Variants in FGF12 observed in about 807,000 individuals in gnomAD.
The protein encoded by FGF12 is fibroblast growth factor 12.
Under a neutral mutation model 23.6 loss-of-function variants are expected in FGF12, and 14 were observed. The observed-to-expected ratio is 0.59, with a 90% CI of 0.39 to 0.93. The LOEUF is 0.93. FGF12 is among the 40% of genes least tolerant of loss of function. FGF12 has a pLI of 0.00. For missense variants in FGF12, 175 were observed against 217.8 expected (o/e 0.80, Z 1.24); for synonymous variants, 62 against 77.3 (o/e 0.80, Z 1.04).
intron 2 of FGF12, among the ~76,000 whole-genome samples, chr3:192,421,916 A>G (rs73064273): frequency 0.096 from 14,638 of 152,082 alleles, 2,183 homozygotes; most frequent in African/African-American, 0.32. Flanking sequence ...CTATCTCTGA[A>G]TAAGTGGTGG....
At chr3:192,697,885 G>T (rs1256204132) in intron 2 of FGF12, among the ~76,000 whole-genome samples, 1 of 152,114 alleles carries the variant, frequency 6.6e-6, no homozygotes, top group Admixed American at 6.6e-5. Flanking sequence ...TAATTCAAGT[G>T]CTTGTGCAAA....
chr3:192,595,120 G>C (rs546990192), intron 2 of FGF12, among the ~76,000 whole-genome samples: 40 of 152,244 alleles, frequency 2.6e-4, no homozygotes, highest in Admixed American at 9.2e-4. Context: ...TTTTCTCTCA[G>C]TATTCTTATT....
intron 5 of FGF12, among the ~76,000 whole-genome samples, chr3:192,156,644 A>C (rs1368615223): frequency 6.6e-6 from 1 of 152,124 alleles, no homozygotes; most frequent in Admixed American, 6.6e-5. Flanking sequence ...GTTGTCCTTG[A>C]TCAAGCCGCT....
intron 2 of FGF12, among the ~76,000 whole-genome samples, chr3:192,567,314 G>C (rs944149787): frequency 1.3e-5 from 2 of 152,022 alleles, no homozygotes; most frequent in Non-Finnish European, 2.9e-5. Context: ...ATTTTTTAAG[G>C]GGTTGGGGCT....
At chr3:192,491,826 C>T (rs182846983) in intron 2 of FGF12, among the ~76,000 whole-genome samples, 2 of 152,140 alleles carry the variant, frequency 1.3e-5, no homozygotes, top group East Asian at 3.9e-4. Context: ...AGCTGGAGGA[C>T]AGGTAATTAT....
chr3:192,191,782 G>A (rs1716805725), intron 4 of FGF12, among the ~76,000 whole-genome samples: 1 of 151,280 alleles, frequency 6.6e-6, no homozygotes, highest in African/African-American at 2.4e-5. Flanking sequence ...CTTGCAGTGA[G>A]CAGAGATCAC....
intron 2 of FGF12, among the ~76,000 whole-genome samples, chr3:192,623,221 A>T (rs1715039789): frequency 6.6e-6 from 1 of 152,248 alleles, no homozygotes; most frequent in Non-Finnish European, 1.5e-5. Flanking sequence ...AAGTGAAGTC[A>T]GTACCAAATG....
chr3:192,719,375 A>G (rs1346126176), intron 2 of FGF12, among the ~76,000 whole-genome samples: 4 of 152,110 alleles, frequency 2.6e-5, no homozygotes, highest in African/African-American at 9.7e-5. Flanking sequence ...CTTCATGTTT[A>G]CGTTATTGTT....
intron 3 of FGF12, among the ~76,000 whole-genome samples, chr3:192,348,708 T>C (rs1400336480): frequency 1.3e-5 from 2 of 152,146 alleles, no homozygotes; most frequent in Non-Finnish European, 2.9e-5. Context: ...CAGTGTAAAC[T>C]GGGTGAAGGT....
intron 2 of FGF12, among the ~76,000 whole-genome samples, chr3:192,433,756 A>C (rs906125582): frequency 2.6e-5 from 4 of 152,226 alleles, no homozygotes; most frequent in African/African-American, 7.2e-5. Context: ...CAAATATTTC[A>C]CATATGAGCT....
rs1161991788 is a variant in FGF12, at chr3:192,142,720, C to G, written c.*1289G>C. 1 of 152,014 alleles carries G rather than the reference C, an allele frequency of 6.6e-6. No individual in the cohort carries two copies. The highest frequency in any genetic ancestry group is 1.9e-4 in the East Asian group (1 of 5,176). The allele number at this position is 152,014 out of a possible 1,614,324, so 9.4% of individuals were successfully genotyped here. A position where few individuals can be genotyped will look rare whatever the true frequency, so the allele number is the denominator to read the frequency against. ...CTGTTGGAGTCATAGCTGCTAATTC[C>G]ATATTATTTCTCTACACACCTTGAA... is the stretch of plus-strand genomic sequence containing the variant. On this transcript the variant is annotated 3_prime_UTR_variant, in exon 6 of 6. Transcript: ENST00000445105.
chr3:192,471,104 G>C (rs987143922), intron 2 of FGF12, among the ~76,000 whole-genome samples: 2 of 152,144 alleles, frequency 1.3e-5, no homozygotes, highest in Non-Finnish European at 2.9e-5. Context: ...GCTCTTCAAG[G>C]CCTGTTCATT....
At chr3:192,475,408 CAT>C (rs1212765813) in intron 2 of FGF12, among the ~76,000 whole-genome samples, 2 of 152,184 alleles carry the variant, frequency 1.3e-5, no homozygotes, top group Non-Finnish European at 2.9e-5. Flanking sequence ...GCACACAAAA[CAT>C]ACAACTAATG....
At chr3:192,453,797 T>G (rs1458619781) in intron 2 of FGF12, among the ~76,000 whole-genome samples, 4 of 152,268 alleles carry the variant, frequency 2.6e-5, no homozygotes, top group African/African-American at 9.6e-5. Context: ...ATATTGATCT[T>G]TGCCTTGATC....
intron 2 of FGF12, among the ~76,000 whole-genome samples, chr3:192,378,027 TTTCTTTCTTTCTTTCTTTCTTTC>T (rs1291911138): frequency 1.3e-4 from 1 of 7,584 alleles, no homozygotes; most frequent in Non-Finnish European, 2.1e-4. Flanking sequence ...GACTCTTTCT[TTTCTTTCTTTCTTTCTTTCTTTC>T]TTTCTTTCTT....
intron 2 of FGF12, among the ~76,000 whole-genome samples, chr3:192,389,996 C>T (rs973149765): frequency 5.9e-5 from 9 of 152,228 alleles, no homozygotes; most frequent in Non-Finnish European, 1.5e-5. Flanking sequence ...TAGGCTGACT[C>T]ATAGTCGCTG....
intron 3 of FGF12, among the ~76,000 whole-genome samples, chr3:192,355,222 G>A (rs1288776989): frequency 2.6e-5 from 4 of 152,054 alleles, no homozygotes; most frequent in Non-Finnish European, 4.4e-5. Context: ...TTCTTTATAG[G>A]ATTGTTTGTA....
At chr3:192,716,277 C>A (rs1718863363) in intron 2 of FGF12, among the ~76,000 whole-genome samples, 1 of 152,304 alleles carries the variant, frequency 6.6e-6, no homozygotes, top group East Asian at 1.9e-4. Flanking sequence ...CCTTACGATT[C>A]TGACATAAAC....
chr3:192,519,858 C>T (rs1577033294), intron 2 of FGF12, among the ~76,000 whole-genome samples: 1 of 152,184 alleles, frequency 6.6e-6, no homozygotes, highest in Non-Finnish European at 1.5e-5. Flanking sequence ...TATTTTGTGG[C>T]TAAAATTGTT....
Sources: allele counts gnomAD v4.1 joint callset (sites outside exome capture counted in the v4.1 genomes callset), GRCh38; gene constraint gnomAD v4.1.1; transcripts MANE v1.5; gene names NCBI Gene and HGNC (gene_info 2026-07-23, HGNC 2026-07-21).